Variants in RBMS1 observed in about 807,000 individuals in gnomAD.
The protein encoded by RBMS1 is RNA binding motif single stranded interacting protein 1, also known as RNA-binding motif, single-stranded-interacting protein 1.
In RBMS1, 17 loss-of-function variants were observed where a neutral mutation model predicts 62.3. That is an observed-to-expected ratio of 0.27 (90% CI 0.19 to 0.41). The LOEUF (loss-of-function observed/expected upper bound fraction) is 0.41. Among genes scored for constraint, RBMS1 ranks in the 10% least tolerant of loss-of-function variants. The pLI, the probability that RBMS1 is intolerant of heterozygous loss-of-function variation, is 1.00. For missense variants in RBMS1, 334 were observed against 504.5 expected (o/e 0.66, Z 3.24); for synonymous variants, 172 against 170.0 (o/e 1.01, Z -0.09).
chr2:160,466,202 T>C (rs1370704432), intron 1 of RBMS1, among the ~76,000 whole-genome samples: 2 of 152,194 alleles, frequency 1.3e-5, no homozygotes, highest in Non-Finnish European at 2.9e-5. Flanking sequence ...GGTACTGATA[T>C]ATTCTAGAGA....
rs756192783 is a variant in RBMS1 at position 160,445,215 on chromosome 2, TA to T, written c.75+48073del. Among the ~76,000 whole-genome samples, 62 of 152,358 alleles carry T rather than the reference TA, an allele frequency of 4.1e-4. No individual in the cohort carries two copies. In the South Asian group the frequency reaches 7.0e-3, roughly 17 times the overall value. ...TTTTATCATTATAAATATTCATAGATATTTTTTAATATTCACATCAATACAT... is the reference window on the plus strand; with the variant it reads ...TTTTATCATTATAAATATTCATAGATTTTTTTAATATTCACATCAATACAT... On this transcript the variant is annotated intron_variant, in intron 1 of 13. Transcript: ENST00000348849.
chr2:160,356,109 T>C (rs1236662966), intron 2 of RBMS1, among the ~76,000 whole-genome samples: 1 of 152,126 alleles, frequency 6.6e-6, no homozygotes, highest in Non-Finnish European at 1.5e-5. Context: ...TTTCTTTTCA[T>C]ATATGCACAA....
intron 1 of RBMS1, among the ~76,000 whole-genome samples, chr2:160,448,197 T>G (rs898048953): frequency 1.3e-5 from 2 of 152,154 alleles, no homozygotes; most frequent in Non-Finnish European, 2.9e-5. Flanking sequence ...GTCTAATAAT[T>G]TTTTTAGAAA....
chr2:160,373,127 AT>A (rs779129902), intron 1 of RBMS1, among the ~76,000 whole-genome samples: 189 of 150,748 alleles, frequency 1.3e-3, no homozygotes, highest in Non-Finnish European at 2.4e-3. Context: ...AGAGTATTAA[AT>A]TTTTTTTTTG....
chr2:160,308,648 A>C (rs1368244145), intron 4 of RBMS1, among the ~76,000 whole-genome samples: 1 of 152,234 alleles, frequency 6.6e-6, no homozygotes, highest in Admixed American at 6.5e-5. Context: ...AATTCACAAT[A>C]TGCAGAATGT....
intron 2 of RBMS1, among the ~76,000 whole-genome samples, chr2:160,361,238 G>A (rs1214594555): frequency 6.6e-6 from 1 of 152,218 alleles, no homozygotes; most frequent in African/African-American, 2.4e-5. Context: ...CTCTGCATAT[G>A]ATGTCAATAC....
chr2:160,378,296 A>C lies in RBMS1; in HGVS notation c.76-10905T>G, dbSNP rs1694103966. On this transcript the variant is annotated intron_variant, in intron 1 of 13. Coordinates refer to ENST00000348849, the MANE Select transcript of RBMS1 (RefSeq NM_016836.4). ...CATTATCTGTACCATTTACAAGAAGATACAAAAATCAAACAGGTTAATTAA... is the reference window on the plus strand; with the variant it reads ...CATTATCTGTACCATTTACAAGAAGCTACAAAAATCAAACAGGTTAATTAA... 2.0e-5 allele frequency among the ~76,000 whole-genome samples: 3 copies of C among 152,156 alleles called. No homozygotes were observed. In the South Asian group the frequency reaches 6.2e-4, roughly 32 times the overall value.
chr2:160,339,616 T>C (rs1375463908), intron 2 of RBMS1, among the ~76,000 whole-genome samples: 2 of 152,106 alleles, frequency 1.3e-5, no homozygotes, highest in Non-Finnish European at 2.9e-5. Context: ...TATTGAAAGG[T>C]CCAAAACAGC....
chr2:160,469,030 C>G (rs1221009525), intron 1 of RBMS1, among the ~76,000 whole-genome samples: 1 of 152,148 alleles, frequency 6.6e-6, no homozygotes, highest in African/African-American at 2.4e-5. Context: ...TAAAAGAATA[C>G]AGGTTTCCCC....
At position 160,493,530 on chromosome 2, in the gene RBMS1, C is replaced by CTCCTCCTCCTCT. The variant is rs1685959119; in HGVS notation, c.-179_-168dup. 4 of 631,564 alleles carry CTCCTCCTCCTCT rather than the reference C, an allele frequency of 6.3e-6. No homozygotes were observed. The East Asian group carries it at 1.1e-4, about 17-fold the overall frequency. 39.1% of individuals were successfully genotyped at this position (631,564 alleles called of 1,614,324 possible). ...CCAGCCGGGACCAGACGTCCTCCTC[C>CTCCTCCTCCTCT]TCCTCCTCCTCTTCCTCCTCCTCCT... On this transcript the variant is annotated 5_prime_UTR_variant, in exon 1 of 14. Coordinates refer to ENST00000348849, the MANE Select transcript of RBMS1 (RefSeq NM_016836.4).
intron 9 of RBMS1, chr2:160,284,478 A>C: frequency 2.6e-6 from 1 of 386,954 alleles, no homozygotes; most frequent in Non-Finnish European, 4.8e-6. Flanking sequence ...AATTTTTGGG[A>C]CACATGGTGT....
At chr2:160,483,906 A>G (rs1685474074) in intron 1 of RBMS1, among the ~76,000 whole-genome samples, 2 of 111,920 alleles carry the variant, frequency 1.8e-5, no homozygotes, top group Admixed American at 2.0e-4. Context: ...TTGAGCTACA[A>G]CCCAGAAAAA....
intron 2 of RBMS1, among the ~76,000 whole-genome samples, chr2:160,319,718 T>C (rs1690447800): frequency 6.6e-6 from 1 of 152,222 alleles, no homozygotes; most frequent in Non-Finnish European, 1.5e-5. Flanking sequence ...AATGGAAGTA[T>C]TTTGTAGCAT....
intron 1 of RBMS1, among the ~76,000 whole-genome samples, chr2:160,439,303 C>T (rs1464147639): frequency 1.4e-5 from 2 of 146,204 alleles, no homozygotes; most frequent in Non-Finnish European, 3.0e-5. Context: ...TCAGACAGGG[C>T]GGCTGCCGGG....
intron 1 of RBMS1, among the ~76,000 whole-genome samples, chr2:160,420,406 C>A (rs1040719735): frequency 5.3e-5 from 8 of 152,154 alleles, no homozygotes; most frequent in African/African-American, 1.9e-4. Context: ...CTGAGTTTTT[C>A]CTACTCTCAT....
intron 1 of RBMS1, among the ~76,000 whole-genome samples, chr2:160,465,100 A>G (rs913938860): frequency 1.3e-5 from 2 of 152,170 alleles, no homozygotes; most frequent in African/African-American, 4.8e-5. Flanking sequence ...CACCATGACA[A>G]AAAGTCAAAT....
chr2:160,316,753 T>A (rs1690245093), intron 3 of RBMS1, among the ~76,000 whole-genome samples: 1 of 152,176 alleles, frequency 6.6e-6, no homozygotes, highest in Non-Finnish European at 1.5e-5. Context: ...ACATTAAGAT[T>A]TCTTTTGGGG....
chr2:160,453,087 G>A (rs1684060398), intron 1 of RBMS1, among the ~76,000 whole-genome samples: 1 of 120,792 alleles, frequency 8.3e-6, no homozygotes, highest in Non-Finnish European at 1.8e-5. Flanking sequence ...TGTAACTACT[G>A]TTATGATGAT....
intron 1 of RBMS1, among the ~76,000 whole-genome samples, chr2:160,480,185 T>A (rs1685308080): frequency 6.6e-6 from 1 of 152,170 alleles, no homozygotes; most frequent in Non-Finnish European, 1.5e-5. Context: ...CAATTTATTA[T>A]TATGTTTATA....
Sources: gnomAD v4.1 joint callset for allele counts (sites outside exome capture counted in the v4.1 genomes callset) on GRCh38, gnomAD v4.1.1 for gene constraint, MANE v1.5 for transcripts, NCBI Gene and HGNC (gene_info 2026-07-23, HGNC 2026-07-21) for gene names.